The following RFX7 variants were observed in gnomAD, a reference collection of about 807,000 sequenced individuals.
RFX7 encodes DNA-binding protein RFX7.
RFX7 carries 26 observed loss-of-function variants against 111.8 expected under a neutral mutation model. That is an observed-to-expected ratio of 0.23 (90% CI 0.17 to 0.32). The LOEUF (loss-of-function observed/expected upper bound fraction) is 0.32, where lower values mean the gene tolerates loss of function less well. Among genes scored for constraint, RFX7 ranks in the 10% least tolerant of loss-of-function variants. The probability of loss-of-function intolerance (pLI) is 1.00; values close to 1 mark genes in which losing one functional copy is unlikely to be tolerated. For synonymous variants in RFX7, 624 were observed against 624.4 expected (o/e 1.00, Z 0.01); for missense variants, 1,573 against 1,772.9 (o/e 0.89, Z 2.02).
chr15:56,189,314 A>C (rs2141157918), intron 2 of RFX7, among the ~76,000 whole-genome samples: 1 of 152,238 alleles, frequency 6.6e-6, no homozygotes, highest in East Asian at 1.9e-4. Context: ...CAGGAGTTCA[A>C]GGCTTCAGTG....
At chr15:56,195,688 G>A (rs2043141006) in intron 2 of RFX7, among the ~76,000 whole-genome samples, 1 of 152,158 alleles carries the variant, frequency 6.6e-6, no homozygotes, top group Admixed American at 6.5e-5. Context: ...TGCATTATAA[G>A]ATGTTTGGAA....
intron 3 of RFX7, among the ~76,000 whole-genome samples, chr15:56,169,781 A>G (rs1180850331): frequency 6.8e-6 from 1 of 146,700 alleles, no homozygotes; most frequent in Non-Finnish European, 1.5e-5. Flanking sequence ...CATTTATGCA[A>G]TAAAGTTTTA....
In RFX7 at chr15:56,087,598, A is replaced by G. The variant is rs2041544489; in HGVS notation, c.*5747T>C. 2.2e-6 allele frequency: 1 copy of G among 455,954 alleles called. No individual in the cohort carries two copies. The highest frequency in any genetic ancestry group is 4.4e-6 in the Non-Finnish European group (1 of 226,474). 28.2% of individuals were successfully genotyped at this position (455,954 alleles called of 1,614,324 possible). A position where few individuals can be genotyped will look rare whatever the true frequency, so the allele number is the denominator to read the frequency against. ...ACTTAACTGCAAGGGAAGTTGGCAG[A>G]TGCAGCCTTTTGGTCAGATGGCTGT... On this transcript the variant is annotated 3_prime_UTR_variant, in exon 10 of 10. Coordinates refer to ENST00000559447, the MANE Select transcript of RFX7 (RefSeq NM_022841.7).
At chr15:56,109,899 C>A (rs1459367279) in intron 5 of RFX7, among the ~76,000 whole-genome samples, 1 of 151,978 alleles carries the variant, frequency 6.6e-6, no homozygotes, top group Non-Finnish European at 1.5e-5. Flanking sequence ...GCAGCCACCC[C>A]GTCCGGGAGG....
intron 2 of RFX7, among the ~76,000 whole-genome samples, chr15:56,216,734 T>C (rs1390153814): frequency 6.6e-6 from 1 of 152,252 alleles, no homozygotes; most frequent in Non-Finnish European, 1.5e-5. Context: ...TTTATAAATA[T>C]CAATTAGCTA....
At chr15:56,228,217 G>A (rs543216544) in intron 2 of RFX7, among the ~76,000 whole-genome samples, 2 of 151,920 alleles carry the variant, frequency 1.3e-5, no homozygotes, top group East Asian at 3.9e-4. Flanking sequence ...TGTCCTCTGA[G>A]CTTCCTGGAT....
intron 2 of RFX7, among the ~76,000 whole-genome samples, chr15:56,235,338 C>T (rs2043611515): frequency 6.6e-6 from 1 of 151,910 alleles, no homozygotes; most frequent in South Asian, 2.1e-4. Context: ...CTGTGACTGG[C>T]TAATTTTTTA....
At chr15:56,157,374 A>T (rs191334218) in intron 3 of RFX7, among the ~76,000 whole-genome samples, 98 of 152,196 alleles carry the variant, frequency 6.4e-4, no homozygotes, top group African/African-American at 2.1e-3. Flanking sequence ...TTCCTCTGGA[A>T]TTTATTTTTC....
At chr15:56,099,577 AC>A (rs1304188167) in intron 8 of RFX7, among the ~76,000 whole-genome samples, 2 of 152,110 alleles carry the variant, frequency 1.3e-5, no homozygotes, top group Non-Finnish European at 2.9e-5. Context: ...CAAGCAGCTG[AC>A]TTACAAAAGG....
chr15:56,201,718 T>G (rs1225453583), intron 2 of RFX7, among the ~76,000 whole-genome samples: 1 of 152,172 alleles, frequency 6.6e-6, no homozygotes, highest in East Asian at 1.9e-4. Flanking sequence ...AAGAAATCAT[T>G]TGTTTTTTGG....
At chr15:56,101,648 A>AT (rs1284493694) in intron 7 of RFX7, 82 bp from the exon 8 acceptor site, 6 of 1,205,858 alleles carry the variant, frequency 5.0e-6, no homozygotes, top group Non-Finnish European at 7.1e-6. Context: ...TGTATTCTTA[A>AT]TTAGAAGATA....
chr15:56,157,485 T>C lies in RFX7; in HGVS notation c.196-13002A>G, dbSNP rs577243341. ...GATTTTTTGTGCTACATCTATATCA[T>C]GGGATTCTTTATTACAGATGAAAAA... On this transcript the variant is annotated intron_variant, in intron 3 of 9. Coordinates refer to ENST00000559447, the MANE Select transcript of RFX7 (RefSeq NM_022841.7). 2.6e-5 allele frequency among the ~76,000 whole-genome samples: 4 copies of C among 152,370 alleles called. No individual in the cohort carries two copies. The East Asian group carries it at 7.7e-4, about 29-fold the overall frequency.
At chr15:56,158,816 TCAA>T (rs531209973) in intron 3 of RFX7, among the ~76,000 whole-genome samples, 12 of 151,922 alleles carry the variant, frequency 7.9e-5, no homozygotes, top group Non-Finnish European at 1.6e-4. Flanking sequence ...AGACCCTGTC[TCAA>T]CAAAACAAAA....
chr15:56,106,874 A>G (rs1289883108), intron 5 of RFX7, among the ~76,000 whole-genome samples: 2 of 152,112 alleles, frequency 1.3e-5, no homozygotes, highest in African/African-American at 4.8e-5. Context: ...CTGCTTCACA[A>G]CGTTAACTGC....
At chr15:56,198,329 C>T (rs527683504) in intron 2 of RFX7, among the ~76,000 whole-genome samples, 1 of 152,184 alleles carries the variant, frequency 6.6e-6, no homozygotes, top group Non-Finnish European at 1.5e-5. Context: ...GCCTCAGACG[C>T]CCTCAAAAGA....
chr15:56,149,972 C>T (rs1325329663), intron 3 of RFX7, among the ~76,000 whole-genome samples: 2 of 147,270 alleles, frequency 1.4e-5, no homozygotes, highest in Admixed American at 6.8e-5. Context: ...TTGAAATTCT[C>T]GCTGCCAGCA....
At chr15:56,236,049 T>C (rs2043619539) in intron 2 of RFX7, among the ~76,000 whole-genome samples, 1 of 152,122 alleles carries the variant, frequency 6.6e-6, no homozygotes, top group Admixed American at 6.5e-5. Flanking sequence ...AATTTTTCAG[T>C]TTGTGCTCAG....
chr15:56,225,552 T>C (rs1350534787), intron 2 of RFX7, among the ~76,000 whole-genome samples: 1 of 152,176 alleles, frequency 6.6e-6, no homozygotes, highest in African/African-American at 2.4e-5. Flanking sequence ...AAAATGTAGG[T>C]AATTCACAAC....
chr15:56,238,597 T>G (rs1289927048), intron 2 of RFX7, among the ~76,000 whole-genome samples: 4 of 152,190 alleles, frequency 2.6e-5, no homozygotes, highest in African/African-American at 9.6e-5. Flanking sequence ...ATGACCGTTT[T>G]AAGAAGAGGC....
Sources: gnomAD v4.1 joint callset for allele counts (sites outside exome capture counted in the v4.1 genomes callset) on GRCh38, gnomAD v4.1.1 for gene constraint, MANE v1.5 for transcripts, NCBI Gene and HGNC (gene_info 2026-07-23, HGNC 2026-07-21) for gene names.